The following AMD1 variants were observed in gnomAD, a reference collection of about 807,000 sequenced individuals.
AMD1 encodes the protein adenosylmethionine decarboxylase 1.
AMD1 carries 11 observed loss-of-function variants against 40.2 expected under a neutral mutation model. The ratio of observed to expected loss-of-function variants is 0.27; its 90% CI spans 0.17 to 0.45. The LOEUF (loss-of-function observed/expected upper bound fraction) is 0.45, where lower values mean the gene tolerates loss of function less well. Among genes scored for constraint, AMD1 ranks in the 20% least tolerant of loss-of-function variants. The pLI, the probability that AMD1 is intolerant of heterozygous loss-of-function variation, is 1.00. For missense variants in AMD1, 257 were observed against 410.2 expected (o/e 0.63, Z 3.23); for synonymous variants, 121 against 130.8 (o/e 0.93, Z 0.51).
At chr6:110,859,595 G>A in the AMD1 span, among the ~76,000 whole-genome samples, 2 of 152,180 alleles carry the variant, frequency 1.3e-5, no homozygotes, top group African/African-American at 2.4e-5. Flanking sequence ...ATGGGGCGGG[G>A]ACAGTGGAGA....
At chr6:110,835,261 G>A in the AMD1 span, among the ~76,000 whole-genome samples, 62 of 151,012 alleles carry the variant, frequency 4.1e-4, no homozygotes, top group African/African-American at 1.3e-3. Context: ...CTCGTGATCC[G>A]CCCGCCTCAG....
the AMD1 span, among the ~76,000 whole-genome samples, chr6:110,858,041 GC>G: frequency 2.6e-5 from 4 of 151,816 alleles, no homozygotes; most frequent in Non-Finnish European, 5.9e-5. Context: ...ACATGGTTTT[GC>G]TATGTTGCCC....
the AMD1 span, among the ~76,000 whole-genome samples, chr6:110,835,181 G>A: frequency 6.6e-6 from 1 of 151,172 alleles, no homozygotes; most frequent in African/African-American, 2.4e-5. Context: ...ACCACGCCCG[G>A]CTAATTTTTT....
At chr6:110,835,471 T>G in the AMD1 span, among the ~76,000 whole-genome samples, 5 of 152,208 alleles carry the variant, frequency 3.3e-5, no homozygotes, top group African/African-American at 1.2e-4. Context: ...TGAATGAATC[T>G]TTTTCTTAAT....
the AMD1 span, among the ~76,000 whole-genome samples, chr6:110,833,684 C>T: frequency 1.1e-3 from 173 of 152,212 alleles, 1 homozygote; most frequent in African/African-American, 4.0e-3. Context: ...TCCTCTTAAA[C>T]TCTTTGGCCT....
the AMD1 span, among the ~76,000 whole-genome samples, chr6:110,853,950 G>A: frequency 2.6e-5 from 4 of 152,136 alleles, no homozygotes; most frequent in African/African-American, 9.7e-5. Flanking sequence ...ATGTCACTTA[G>A]CAACATTTCC....
chr6:110,859,315 T>C, the AMD1 span, among the ~76,000 whole-genome samples: 1 of 151,968 alleles, frequency 6.6e-6, no homozygotes, highest in Non-Finnish European at 1.5e-5. Context: ...GCCTTGGTCC[T>C]TCGCAGGACT....
chr6:110,861,772 G>T, the AMD1 span, among the ~76,000 whole-genome samples: 1 of 151,924 alleles, frequency 6.6e-6, no homozygotes, highest in Non-Finnish European at 1.5e-5. Flanking sequence ...AACCTGGGAG[G>T]CTGAGGTTGC....
the AMD1 span, among the ~76,000 whole-genome samples, chr6:110,867,892 T>C: frequency 1.2e-4 from 18 of 152,252 alleles, no homozygotes; most frequent in African/African-American, 4.3e-4. Flanking sequence ...TAATTACTAA[T>C]GGAAAATTAC....
upstream of AMD1, among the ~76,000 whole-genome samples, chr6:110,871,147 A>G (rs183722550): frequency 5.5e-4 from 84 of 152,316 alleles, no homozygotes; most frequent in African/African-American, 2.0e-3. Flanking sequence ...AAATCAAATA[A>G]GGGTTTGAAG....
intron 1 of AMD1, among the ~76,000 whole-genome samples, chr6:110,882,485 G>A (rs1425242040): frequency 6.6e-6 from 1 of 152,138 alleles, no homozygotes; most frequent in Admixed American, 6.5e-5. Flanking sequence ...ACAAAAGCAG[G>A]CCATTTTTTC....
At chr6:110,841,945 G>A in the AMD1 span, among the ~76,000 whole-genome samples, 2 of 152,068 alleles carry the variant, frequency 1.3e-5, no homozygotes, top group Non-Finnish European at 2.9e-5. Context: ...TGGGACTACA[G>A]GTGTGCACCA....
chr6:110,815,083 A>C, the AMD1 span: 5 of 1,602,832 alleles, frequency 3.1e-6, no homozygotes, highest in Admixed American at 8.5e-5. Flanking sequence ...ACTCAAACAA[A>C]TCCTCCACCC....
chr6:110,890,604 G>T (rs1263756886), intron 4 of AMD1, among the ~76,000 whole-genome samples: 2 of 152,016 alleles, frequency 1.3e-5, no homozygotes, highest in African/African-American at 2.4e-5. Context: ...TCCCACCTTA[G>T]CCTCCCAAGT....
the AMD1 span, among the ~76,000 whole-genome samples, chr6:110,827,769 A>G: frequency 6.6e-6 from 1 of 151,602 alleles, no homozygotes; most frequent in Admixed American, 6.6e-5. Flanking sequence ...CCATCTCAAA[A>G]AAAAAAAAAA....
At chr6:110,868,043 TG>T in the AMD1 span, among the ~76,000 whole-genome samples, 74 of 152,286 alleles carry the variant, frequency 4.9e-4, 1 homozygote, top group East Asian at 0.013. Flanking sequence ...CAGGCTGGTC[TG>T]GAACTCCTGG....
At chr6:110,890,057 G>A (rs1785927072) in intron 3 of AMD1, 197 bp from the exon 4 acceptor site, 2 of 491,112 alleles carry the variant, frequency 4.1e-6, no homozygotes, top group Non-Finnish European at 3.6e-6. Context: ...TGCCCAGGCT[G>A]GACTCCTGGG....
intron 4 of AMD1, chr6:110,890,717 G>A (rs1785967940): frequency 6.4e-6 from 1 of 156,760 alleles, no homozygotes; most frequent in African/African-American, 2.4e-5. Flanking sequence ...TTGAACGCCT[G>A]GGCTCAAGGG....
chr6:110,888,838 T>C lies in AMD1; in HGVS notation c.198-19T>C. The stretch of plus-strand genomic sequence containing the variant: ...GTACATTAGTATTGTTATAATATTG[T>C]GACTTTTTTCAACTGCAGTGAGAGT... On this transcript the variant is annotated intron_variant, in intron 2 of 8. Transcript: ENST00000368885. 1 of 1,608,180 alleles carries C rather than the reference T, an allele frequency of 6.2e-7. No individual in the cohort carries two copies. Among genetic ancestry groups the C allele is most frequent in the South Asian group, 1.1e-5 (1 of 90,172 alleles).
Sources: allele counts gnomAD v4.1 joint callset (sites outside exome capture counted in the v4.1 genomes callset), GRCh38; gene constraint gnomAD v4.1.1; transcripts MANE v1.5; gene names NCBI Gene and HGNC (gene_info 2026-07-23, HGNC 2026-07-21).